Variants in NRG3 observed in about 807,000 individuals in gnomAD.
NRG3 encodes neuregulin 3.
A neutral mutation model predicts 66.9 loss-of-function variants in NRG3; 31 were observed. The observed-to-expected ratio is 0.46, with a 90% CI of 0.35 to 0.63. NRG3 has a LOEUF of 0.63. NRG3 is among the 20% of genes least tolerant of loss of function. The pLI is 0.00. For missense variants in NRG3, 910 were observed against 878.9 expected (o/e 1.04, Z -0.45); for synonymous variants, 393 against 359.4 (o/e 1.09, Z -1.06).
At chr10:82,014,106 C>G (rs2061688937) in intron 1 of NRG3, among the ~76,000 whole-genome samples, 1 of 152,096 alleles carries the variant, frequency 6.6e-6, no homozygotes, top group Non-Finnish European at 1.5e-5. Flanking sequence ...GAGAAAAATC[C>G]ATCTTGGAAT....
chr10:82,217,422 T>A (rs543892214), intron 1 of NRG3, among the ~76,000 whole-genome samples: 1 of 152,302 alleles, frequency 6.6e-6, no homozygotes, highest in East Asian at 1.9e-4. Flanking sequence ...CCAGACTTTC[T>A]AAATTAGATA....
Position 82,013,801 on chromosome 10 carries a change from G to T in NRG3, c.823+137638G>T, listed in dbSNP as rs1016573696. Among the ~76,000 whole-genome samples the T allele has an allele frequency of 2.6e-5, 4 of 152,000 alleles. No homozygotes were observed. The South Asian group carries it at 6.2e-4, about 24-fold the overall frequency. The stretch of plus-strand genomic sequence containing the variant: ...TATTTATGTTTATTTATATAAATTT[G>T]CTGTTAAAATATATTCAATTCCCTA... On this transcript the variant is annotated intron_variant, in intron 1 of 8. Transcript: ENST00000372141.
At chr10:82,013,076 C>G (rs1199516186) in intron 1 of NRG3, among the ~76,000 whole-genome samples, 1 of 152,122 alleles carries the variant, frequency 6.6e-6, no homozygotes, top group African/African-American at 2.4e-5. Flanking sequence ...TCTCATGCTA[C>G]TAATAAAGAC....
intron 1 of NRG3, among the ~76,000 whole-genome samples, chr10:82,110,596 T>C (rs928930914): frequency 6.9e-6 from 1 of 145,430 alleles, no homozygotes; most frequent in African/African-American, 2.7e-5. Flanking sequence ...TAGTCAGATA[T>C]TAATATAGTT....
At chr10:82,879,079 C>A (rs1358421746) in intron 4 of NRG3, among the ~76,000 whole-genome samples, 2 of 152,134 alleles carry the variant, frequency 1.3e-5, no homozygotes. Flanking sequence ...CTATTTTATT[C>A]ATATTAACTT....
chr10:82,179,119 T>C (rs1008287791), intron 1 of NRG3, among the ~76,000 whole-genome samples: 4 of 151,984 alleles, frequency 2.6e-5, no homozygotes, highest in Middle Eastern at 3.4e-3. Flanking sequence ...ACTATAGGAG[T>C]TTTTTTAAAA....
At position 82,784,456 on chromosome 10, in the gene NRG3, T is replaced by C. The variant is rs1479076834; in HGVS notation, c.1027+45806T>C. Among the ~76,000 whole-genome samples the C allele has an allele frequency of 3.9e-5, 6 of 152,112 alleles. No individual in the cohort carries two copies. The South Asian group carries it at 1.0e-3, about 26-fold the overall frequency. The stretch of plus-strand genomic sequence containing the variant: ...ATGGGAGAAAATTTTTGCAACCTAC[T>C]CATCTGACAAAAGGCTAATATCCAG... On this transcript the variant is annotated intron_variant, in intron 3 of 8. Transcript: ENST00000372141.
At chr10:82,342,681 T>C (rs1330422381) in intron 1 of NRG3, among the ~76,000 whole-genome samples, 1 of 152,156 alleles carries the variant, frequency 6.6e-6, no homozygotes, top group Non-Finnish European at 1.5e-5. Context: ...CTTTGTCAGA[T>C]GCATAGATTG....
chr10:82,138,527 C>T (rs547206740), intron 1 of NRG3, among the ~76,000 whole-genome samples: 1 of 152,016 alleles, frequency 6.6e-6, no homozygotes, highest in Non-Finnish European at 1.5e-5. Flanking sequence ...GTCAGGTTCT[C>T]TAGAGGGACA....
chr10:82,307,465 G>C (rs530378637), intron 1 of NRG3, among the ~76,000 whole-genome samples: 3 of 152,116 alleles, frequency 2.0e-5, no homozygotes, highest in Admixed American at 6.5e-5. Context: ...TACATTATGT[G>C]GAGAAATCCA....
At chr10:82,570,494 C>A (rs2045662321) in intron 2 of NRG3, among the ~76,000 whole-genome samples, 2 of 151,410 alleles carry the variant, frequency 1.3e-5, no homozygotes, top group African/African-American at 2.4e-5. Flanking sequence ...CTTTGCAGAC[C>A]TCAAGTACTT....
At chr10:82,180,712 C>A (rs1277207823) in intron 1 of NRG3, among the ~76,000 whole-genome samples, 1 of 151,794 alleles carries the variant, frequency 6.6e-6, no homozygotes, top group Non-Finnish European at 1.5e-5. Context: ...CCTTTTCTTG[C>A]AGTGTCTTTT....
intron 3 of NRG3, chr10:82,843,244 A>C: frequency 2.2e-6 from 1 of 455,102 alleles, no homozygotes. Flanking sequence ...TGGGACATTT[A>C]AGAGGAATTA....
At chr10:82,175,580 AG>A (rs1281854938) in intron 1 of NRG3, among the ~76,000 whole-genome samples, 1 of 152,210 alleles carries the variant, frequency 6.6e-6, no homozygotes, top group Non-Finnish European at 1.5e-5. Flanking sequence ...TCAGTTCTGA[AG>A]GCATCCACAA....
chr10:82,328,726 T>C (rs1380546398), intron 1 of NRG3, among the ~76,000 whole-genome samples: 1 of 152,172 alleles, frequency 6.6e-6, no homozygotes, highest in Non-Finnish European at 1.5e-5. Context: ...CCTCCTGGCA[T>C]GCCTGGCACA....
At chr10:82,713,110 A>G (rs2056768744) in intron 2 of NRG3, among the ~76,000 whole-genome samples, 1 of 102,372 alleles carries the variant, frequency 9.8e-6, no homozygotes. Context: ...ACAGAATGAG[A>G]CTTCATCTCA....
chr10:82,770,104 A>C (rs1369489889), intron 3 of NRG3, among the ~76,000 whole-genome samples: 1 of 152,126 alleles, frequency 6.6e-6, no homozygotes, highest in Non-Finnish European at 1.5e-5. Context: ...TCATTATATT[A>C]TTCTTATTTA....
intron 1 of NRG3, among the ~76,000 whole-genome samples, chr10:82,063,282 GT>G (rs150449549): frequency 0.014 from 2,042 of 146,562 alleles, 42 homozygotes; most frequent in East Asian, 0.061. Flanking sequence ...TCAAGTTTCT[GT>G]TTTTTTTTCT....
intron 4 of NRG3, among the ~76,000 whole-genome samples, chr10:82,883,073 T>C (rs1441533030): frequency 2.0e-5 from 3 of 152,240 alleles, no homozygotes; most frequent in Non-Finnish European, 2.9e-5. Flanking sequence ...TATAAGTTTA[T>C]GATGCTCTCA....
Sources: allele counts gnomAD v4.1 joint callset (sites outside exome capture counted in the v4.1 genomes callset), GRCh38; gene constraint gnomAD v4.1.1; transcripts MANE v1.5; gene names NCBI Gene and HGNC (gene_info 2026-07-23, HGNC 2026-07-21).